The following SOX8 variants were observed in gnomAD, a reference collection of about 807,000 sequenced individuals.
The protein encoded by SOX8 is transcription factor SOX-8.
In SOX8, 9 loss-of-function variants were observed where a neutral mutation model predicts 22.9. That is an observed-to-expected ratio of 0.39 (90% CI 0.24 to 0.69). The LOEUF is 0.69. Among genes scored for constraint, SOX8 ranks in the 30% least tolerant of loss-of-function variants. SOX8 has a pLI of 0.43. For missense variants in SOX8, 734 were observed against 699.4 expected (o/e 1.05, Z -0.56); for synonymous variants, 416 against 330.6 (o/e 1.26, Z -2.80).
rs773343345 is a variant in SOX8, at chr16:982,285, C to G, written c.363C>G (p.Ala121=). 80 of 1,518,572 alleles carry G rather than the reference C, an allele frequency of 5.3e-5. No individual in the cohort carries two copies. Among genetic ancestry groups the G allele is most frequent in the Admixed American group, 1.2e-4 (6 of 49,176 alleles). The allele number at this position is 1,518,572 out of a possible 1,614,324, so 94.1% of individuals were successfully genotyped here. ...CGCAGGCGGCGCGCCGCAAGCTGGCCGACCAGTACCCGCACCTGCACAACG... is the reference window on the plus strand; with the variant it reads ...CGCAGGCGGCGCGCCGCAAGCTGGCGGACCAGTACCCGCACCTGCACAACG... ...VWAQAARRKL[A]DQYPHLHNAE... is the part of the protein sequence containing the mutation. The change falls in exon 1 of 3, where the codon GCC becomes GCG. Residue 121 remains alanine, a synonymous_variant. Coordinates refer to ENST00000293894, the MANE Select transcript of SOX8 (RefSeq NM_014587.5).
chr16:985,191 CTA>C lies in SOX8; in HGVS notation c.1148_1149del (p.Tyr383TrpfsTer96). On this transcript the variant is annotated frameshift_variant, in exon 3 of 3. Transcript: ENST00000293894. LOFTEE classifies it high-confidence loss of function. ...GCCCCTTCGCCGGCTCACAGGGCGA[CTA>C]TGGCGACCTGCAGGCCTCCAGCTAC... Reference protein sequence around the residue: ...AGPFAGSQGDYGDLQASSYYG... With the variant: ...AGPFAGSQGDXGDLQASSYYG... 6.2e-7 allele frequency: 1 copy of C among 1,611,492 alleles called. No individual in the cohort carries two copies. Among genetic ancestry groups the C allele is most frequent in the Non-Finnish European group, 8.5e-7 (1 of 1,179,338 alleles).
At chr16:982,477 G>A in intron 1 of SOX8, 133 bp downstream of exon 1, 1 of 1,018,590 alleles carries the variant, frequency 9.8e-7, no homozygotes, top group Non-Finnish European at 1.3e-6. Context: ...CTGCACCCCG[G>A]GCGGGTGTCA....
intron 2 of SOX8, 43 bp from the exon 3 acceptor site, chr16:984,658 C>G: frequency 7.6e-7 from 1 of 1,319,798 alleles, no homozygotes; most frequent in South Asian, 1.6e-5. Flanking sequence ...ACCCGCCCCA[C>G]AGAAGGGGCA....
intron 1 of SOX8, chr16:983,408 C>A: frequency 4.5e-6 from 1 of 223,332 alleles, no homozygotes; most frequent in Non-Finnish European, 8.7e-6. Context: ...CCGCCTCCCC[C>A]GCCTCCCTTA....
At position 985,174 on chromosome 16, in the gene SOX8, G is replaced by T; in HGVS notation, c.1129G>T (p.Ala377Ser). The T allele has an allele frequency of 1.2e-6, 2 of 1,609,636 alleles. No individual in the cohort carries two copies. The highest frequency in any genetic ancestry group is 4.5e-5 in the East Asian group (2 of 44,780). The change falls in exon 3 of 3, where the codon GCC becomes TCC. Residue 377 changes from alanine to serine, a missense_variant. By Grantham distance (99) the Ala-to-Ser change is moderately conservative. This residue lies in a region of SOX8 where 588 missense variants were observed against 568.2 expected (regional missense o/e 1.03). Transcript: ENST00000293894. ...ATPAAPAGPF[A>S]GSQGDYGDLQ... ...CCCGGCCGCCCCCGCCGGCCCCTTC[G>T]CCGGCTCACAGGGCGACTATGGCGA...
rs2073440916 is a variant in SOX8 at position 984,837 on chromosome 16, G to C, written c.792G>C (p.Val264=). ...SGRQNIDFSN[V]DISELSSEVM... ...GCCAGAACATCGACTTCAGCAACGT[G>C]GACATCTCGGAGCTCAGCAGCGAGG... Residue 264 remains valine, a synonymous_variant, in exon 3 of 3, where the codon GTG becomes GTC. Coordinates refer to ENST00000293894, the MANE Select transcript of SOX8 (RefSeq NM_014587.5). 6.2e-7 allele frequency: 1 copy of C among 1,612,256 alleles called. No homozygotes were observed.
rs1169371619 is a variant in SOX8 at position 984,735 on chromosome 16, C to G, written c.690C>G (p.Thr230=). 1.6e-5 allele frequency: 26 copies of G among 1,580,246 alleles called. No individual in the cohort carries two copies. Among genetic ancestry groups the G allele is most frequent in the Non-Finnish European group, 2.2e-5 (26 of 1,166,652 alleles). Residue 230 remains threonine, a synonymous_variant, in exon 3 of 3, where the codon ACC becomes ACG. Transcript: ENST00000293894. ...QTHGPPTPPT[T]PKTELQQAGA... is the part of the protein sequence containing the mutation. The stretch of plus-strand genomic sequence containing the variant: ...ACGGGCCGCCCACCCCGCCCACCAC[C>G]CCCAAGACGGAGCTGCAGCAGGCGG...
At position 984,908 on chromosome 16, in the gene SOX8, A is replaced by G; in HGVS notation, c.863A>G (p.Tyr288Cys). The change falls in exon 3 of 3, where the codon TAC becomes TGC. Residue 288 changes from tyrosine to cysteine, a missense_variant. Physicochemically the swap from Tyr to Cys is radical, Grantham distance 194. Around this residue, in one of 3 missense-constraint regions of SOX8, gnomAD observed 588 missense variants for 568.2 expected, o/e 1.03. Coordinates refer to ENST00000293894, the MANE Select transcript of SOX8 (RefSeq NM_014587.5). ...TTCGACGTCCACGAGTTCGACCAGT[A>G]CCTGCCCCTGGGCGGCCCCGCCCCA... ...DAFDVHEFDQ[Y>C]LPLGGPAPPE... The G allele has an allele frequency of 6.2e-7, 1 of 1,605,460 alleles. No homozygotes were observed. Among genetic ancestry groups the G allele is most frequent in the Non-Finnish European group, 8.5e-7 (1 of 1,176,242 alleles).
At position 985,493 on chromosome 16, in the gene SOX8, C is replaced by T. The variant is rs1042559855; in HGVS notation, c.*107C>T. On this transcript the variant is annotated 3_prime_UTR_variant, in exon 3 of 3. Transcript: ENST00000293894. ...GCCCCAGTGGCTGAGCTCCAAGTGC[C>T]TGCTGAAGTCTGCAGGGAAACACGC... The T allele has an allele frequency of 3.3e-6, 3 of 899,988 alleles. No individual in the cohort carries two copies. The highest frequency in any genetic ancestry group is 4.8e-6 in the Non-Finnish European group (3 of 618,754). 55.8% of individuals were successfully genotyped at this position (899,988 alleles called of 1,614,324 possible).
rs2073399577 is a variant in SOX8 at position 982,219 on chromosome 16, G to A, written c.297G>A (p.Lys99=). Residue 99 remains lysine, a synonymous_variant, in exon 1 of 3, where the codon AAG becomes AAA. Transcript: ENST00000293894. The part of the protein sequence containing the change: ...RGGGGGALKA[K]PHVKRPMNAF... Reference sequence around the variant, plus strand: ...GCGGCGGCGGCGCGCTCAAAGCCAAGCCGCATGTGAAGCGGCCCATGAACG... The same window carrying A: ...GCGGCGGCGGCGCGCTCAAAGCCAAACCGCATGTGAAGCGGCCCATGAACG... The A allele has an allele frequency of 6.5e-7, 1 of 1,539,128 alleles. No individual in the cohort carries two copies. The highest frequency in any genetic ancestry group is 8.7e-7 in the Non-Finnish European group (1 of 1,150,602).
Position 984,905 on chromosome 16 carries a change from A to G in SOX8, c.860A>G (p.Gln287Arg), listed in dbSNP as rs747387935. 8.1e-6 allele frequency: 13 copies of G among 1,608,552 alleles called. No individual in the cohort carries two copies. The highest frequency in any genetic ancestry group is 3.3e-4 in the Middle Eastern group (2 of 6,044). ...GCCTTCGACGTCCACGAGTTCGACC[A>G]GTACCTGCCCCTGGGCGGCCCCGCC... The part of the protein sequence containing the change: ...MDAFDVHEFD[Q>R]YLPLGGPAPP... Residue 287 changes from glutamine (Q) to arginine (R), a missense_variant, in exon 3 of 3, where the codon CAG becomes CGG. Transcript: ENST00000293894.
At position 985,165 on chromosome 16, in the gene SOX8, G is replaced by C. The variant is rs562484394; in HGVS notation, c.1120G>C (p.Gly374Arg). Residue 374 changes from glycine to arginine, a missense_variant, in exon 3 of 3, where the codon GGC becomes CGC. Physicochemically the swap from Gly to Arg is moderately radical, Grantham distance 125 (BLOSUM62 -2). Around this residue, in one of 3 missense-constraint regions of SOX8, gnomAD observed 588 missense variants for 568.2 expected, o/e 1.03. Transcript: ENST00000293894. ...QSSATPAAPA[G>R]PFAGSQGDYG... The stretch of plus-strand genomic sequence containing the variant: ...CAGCGCCACCCCGGCCGCCCCCGCC[G>C]GCCCCTTCGCCGGCTCACAGGGCGA... The C allele has an allele frequency of 6.2e-7, 1 of 1,608,310 alleles. No individual in the cohort carries two copies. The highest frequency in any genetic ancestry group is 1.3e-5 in the African/African-American group (1 of 74,934).
At position 982,430 on chromosome 16, in the gene SOX8, G is replaced by C. The variant is rs9939245; in HGVS notation, c.422+86G>C. The C allele has an allele frequency of 1.7e-3, 2,111 of 1,245,588 alleles. 33 individuals are homozygous for C. In the African/African-American group the frequency reaches 0.03, roughly 18 times the overall value. The allele number at this position is 1,245,588 out of a possible 1,614,324, so 77.2% of individuals were successfully genotyped here. A position where few individuals can be genotyped will look rare whatever the true frequency, so the allele number is the denominator to read the frequency against. Reference sequence around the variant, plus strand: ...CGAGCGGGGGCCTGGAGGGCGCAGAGCTCGCGGAGGTGGTGGCCACACGCA... The same window carrying C: ...CGAGCGGGGGCCTGGAGGGCGCAGACCTCGCGGAGGTGGTGGCCACACGCA... On this transcript the variant is annotated intron_variant, in intron 1 of 2. Coordinates refer to ENST00000293894, the MANE Select transcript of SOX8 (RefSeq NM_014587.5).
At position 985,157 on chromosome 16, in the gene SOX8, C is replaced by T; in HGVS notation, c.1112C>T (p.Ala371Val). ...GGCCAGTCCAGCGCCACCCCGGCCG[C>T]CCCCGCCGGCCCCTTCGCCGGCTCA... is the stretch of plus-strand genomic sequence containing the variant. The part of the protein sequence containing the change: ...CSGQSSATPA[A>V]PAGPFAGSQG... The change falls in exon 3 of 3, where the codon GCC (alanine) becomes GTC (valine). Residue 371 changes from alanine (A) to valine (V), a missense_variant. Ala to Val is a moderately conservative substitution (Grantham distance 64). Transcript: ENST00000293894. The T allele has an allele frequency of 1.2e-6, 2 of 1,605,906 alleles. No homozygotes were observed. Among genetic ancestry groups the T allele is most frequent in the South Asian group, 2.2e-5 (2 of 90,580 alleles).
chr16:985,426 C>T lies in SOX8; in HGVS notation c.*40C>T. ...GGAGGGACTCGCAGGCGTCAGGGGGCAGCCTTGTCCCGGCCCAGTGTGTGT... is the reference window on the plus strand; with the variant it reads ...GGAGGGACTCGCAGGCGTCAGGGGGTAGCCTTGTCCCGGCCCAGTGTGTGT... On this transcript the variant is annotated 3_prime_UTR_variant, in exon 3 of 3. Coordinates refer to ENST00000293894, the MANE Select transcript of SOX8 (RefSeq NM_014587.5). 3 of 1,449,692 alleles carry T rather than the reference C, an allele frequency of 2.1e-6. No homozygotes were observed. The highest frequency in any genetic ancestry group is 2.8e-6 in the Non-Finnish European group (3 of 1,090,120). The allele number at this position is 1,449,692 out of a possible 1,614,324, so 89.8% of individuals were successfully genotyped here.
intron 1 of SOX8, chr16:983,512 G>A (rs964674590): frequency 4.5e-5 from 21 of 464,790 alleles, no homozygotes; most frequent in Middle Eastern, 5.4e-4. Flanking sequence ...TTTGGCTGTC[G>A]TAAGCATACC....
chr16:984,528 G>C (rs1337908856), intron 2 of SOX8, among the ~76,000 whole-genome samples, 173 bp from the exon 3 acceptor site: 1 of 152,216 alleles, frequency 6.6e-6, no homozygotes, highest in South Asian at 2.1e-4. Context: ...TTTCTCGGCC[G>C]AGGAGTGAGG....
At position 985,131 on chromosome 16, in the gene SOX8, C is replaced by G; in HGVS notation, c.1086C>G (p.Ser362Arg). Residue 362 changes from serine to arginine, a missense_variant, in exon 3 of 3, where the codon AGC becomes AGG. This residue lies in a region of SOX8 where 588 missense variants were observed against 568.2 expected (regional missense o/e 1.03). Coordinates refer to ENST00000293894, the MANE Select transcript of SOX8 (RefSeq NM_014587.5). ...PRGSPDYGSC[S>R]GQSSATPAAP... is the part of the protein sequence containing the mutation. ...GCTCGCCCGACTACGGTTCCTGCAG[C>G]GGCCAGTCCAGCGCCACCCCGGCCG... 1 of 1,599,826 alleles carries G rather than the reference C, an allele frequency of 6.3e-7. No individual in the cohort carries two copies.
Position 984,892 on chromosome 16 carries a change from C to T in SOX8, c.847C>T (p.His283Tyr), listed in dbSNP as rs573221443. 106 of 1,610,738 alleles carry T rather than the reference C, an allele frequency of 6.6e-5. No individual in the cohort carries two copies. The South Asian group carries it at 1.1e-3, about 17-fold the overall frequency. The change falls in exon 3 of 3, where the codon CAC (histidine) becomes TAC (tyrosine). Residue 283 changes from histidine to tyrosine, a missense_variant. By Grantham distance (83) the His-to-Tyr change is moderately conservative. Coordinates refer to ENST00000293894, the MANE Select transcript of SOX8 (RefSeq NM_014587.5). The part of the protein sequence containing the change: ...VMGTMDAFDV[H>Y]EFDQYLPLGG... ...GGGCACCATGGACGCCTTCGACGTC[C>T]ACGAGTTCGACCAGTACCTGCCCCT... is the stretch of plus-strand genomic sequence containing the variant.
Sources: gnomAD v4.1 joint callset for allele counts (sites outside exome capture counted in the v4.1 genomes callset) on GRCh38, gnomAD v4.1.1 for gene constraint, gnomAD v4.1.1 regional missense constraint, MANE v1.5 for transcripts, NCBI Gene and HGNC (gene_info 2026-07-23, HGNC 2026-07-21) for gene names.